TOLLIP: variants seen among roughly 807,000 people sequenced by gnomAD.
TOLLIP encodes toll interacting protein, also known as toll-interacting protein.
A neutral mutation model predicts 33.5 loss-of-function variants in TOLLIP; 16 were observed. That is an observed-to-expected ratio of 0.48 (90% CI 0.32 to 0.72). The LOEUF (loss-of-function observed/expected upper bound fraction) is 0.72, where lower values mean the gene tolerates loss of function less well. TOLLIP is among the 30% of genes least tolerant of loss of function. The pLI is 0.03. For synonymous variants in TOLLIP, 176 were observed against 163.7 expected (o/e 1.07, Z -0.57); for missense variants, 325 against 396.6 (o/e 0.82, Z 1.53).
At chr11:1,281,078 T>G (rs1863482955) in intron 5 of TOLLIP, among the ~76,000 whole-genome samples, 1 of 152,246 alleles carries the variant, frequency 6.6e-6, no homozygotes, top group Non-Finnish European at 1.5e-5. Flanking sequence ...GCCTAGATGT[T>G]TCCTTAAAAT....
intron 5 of TOLLIP, among the ~76,000 whole-genome samples, chr11:1,279,505 G>T (rs1185684001): frequency 6.6e-6 from 1 of 152,200 alleles, no homozygotes; most frequent in Non-Finnish European, 1.5e-5. Context: ...CCAAAATGTG[G>T]GCAGAGAGGA....
At position 1,288,497 on chromosome 11, in the gene TOLLIP, G is replaced by A. The variant is rs566903834; in HGVS notation, c.519+127C>T. On this transcript the variant is annotated intron_variant, in intron 4 of 5. Transcript: ENST00000317204. ...GGCCCCTGCCCTCTGTCCTCAGAAC[G>A]TGAGCCCTGCTGTTTTATGGGCTCA... 139 of 1,198,602 alleles carry A rather than the reference G, an allele frequency of 1.2e-4. 1 individual carries two copies. The South Asian group carries it at 1.7e-3, about 15-fold the overall frequency. The allele number at this position is 1,198,602 out of a possible 1,614,324, so 74.2% of individuals were successfully genotyped here.
At position 1,277,044 on chromosome 11, in the gene TOLLIP, G is replaced by A. The variant is rs1387676816; in HGVS notation, c.820C>T (p.Pro274Ser). The A allele has an allele frequency of 3.7e-6, 6 of 1,613,766 alleles. No individual in the cohort carries two copies. The highest frequency in any genetic ancestry group is 5.1e-6 in the Non-Finnish European group (6 of 1,179,776). ...INSLLQMGEE[P>S] ...ACGGCATCGAGGCAGAGGCTCTATGGCTCCTCCCCCATCTGCAGCAGGGAG... is the reference window on the plus strand; with the variant it reads ...ACGGCATCGAGGCAGAGGCTCTATGACTCCTCCCCCATCTGCAGCAGGGAG... Residue 274 changes from proline (P) to serine (S), a missense_variant, in exon 6 of 6, where the codon CCA (proline) becomes TCA (serine). Physicochemically the swap from Pro to Ser is moderately conservative, Grantham distance 74. Coordinates refer to ENST00000317204, the MANE Select transcript of TOLLIP (RefSeq NM_019009.4). This position sits in a 1 kb window ranked among gnomAD's most constrained non-coding sequence, Gnocchi z 4.2.
rs1863316052 is a variant in TOLLIP at position 1,276,736 on chromosome 11, C to G, written c.*303G>C. On this transcript the variant is annotated 3_prime_UTR_variant, in exon 6 of 6. Coordinates refer to ENST00000317204, the MANE Select transcript of TOLLIP (RefSeq NM_019009.4). ...CAACACCCTGGCAGAAGCAGCTGCT[C>G]TCTACAGCAAGAGCATTTTCCAGAA... 1 of 1,461,756 alleles carries G rather than the reference C, an allele frequency of 6.8e-7. No individual in the cohort carries two copies. The highest frequency in any genetic ancestry group is 9.1e-7 in the Non-Finnish European group (1 of 1,099,222). 90.5% of individuals were successfully genotyped at this position (1,461,756 alleles called of 1,614,324 possible).
chr11:1,277,248 G>A lies in TOLLIP; in HGVS notation c.616C>T (p.Pro206Ser). ...ACCATGCCGGGGCTACAGACAGCGG[G>A]CATCCCTGGAAGCAAAGATCAAGTT... The part of the protein sequence containing the change: ...GVGYVPITGM[P>S]AVCSPGMVPV... The change falls in exon 6 of 6, where the codon CCC (proline) becomes TCC (serine). Residue 206 changes from proline (P) to serine (S), a missense_variant. Pro to Ser is a moderately conservative substitution (Grantham distance 74). Coordinates refer to ENST00000317204, the MANE Select transcript of TOLLIP (RefSeq NM_019009.4). The surrounding 1 kb of genome is among the most constrained non-coding windows in gnomAD (Gnocchi z 4.2). 1 of 1,549,740 alleles carries A rather than the reference G, an allele frequency of 6.5e-7. No homozygotes were observed.
chr11:1,288,201 G>A (rs5743974), intron 4 of TOLLIP, among the ~76,000 whole-genome samples: 1,837 of 152,252 alleles, frequency 0.012, 13 homozygotes, highest in Non-Finnish European at 0.016. Flanking sequence ...GCCACACCAC[G>A]GCCAATGCCT....
In TOLLIP at chr11:1,285,002, G is replaced by C. The variant is rs3793967; in HGVS notation, c.610+1000C>G. On this transcript the variant is annotated intron_variant, in intron 5 of 5. Coordinates refer to ENST00000317204, the MANE Select transcript of TOLLIP (RefSeq NM_019009.4). ...GCTGGCAGGACTGGGGTGCTGACCAGGCCTCTCCACTCCAGCTGGGCTGGA... is the reference window on the plus strand; with the variant it reads ...GCTGGCAGGACTGGGGTGCTGACCACGCCTCTCCACTCCAGCTGGGCTGGA... Among the ~76,000 whole-genome samples the C allele has an allele frequency of 4.6e-5, 7 of 152,296 alleles. No homozygotes were observed. In the East Asian group the frequency reaches 1.4e-3, roughly 29 times the overall value.
In TOLLIP at chr11:1,276,741, C is replaced by T. The variant is rs2133872474; in HGVS notation, c.*298G>A. ...CCCTGGCAGAAGCAGCTGCTCTCTACAGCAAGAGCATTTTCCAGAACGGCA... is the reference window on the plus strand; with the variant it reads ...CCCTGGCAGAAGCAGCTGCTCTCTATAGCAAGAGCATTTTCCAGAACGGCA... On this transcript the variant is annotated 3_prime_UTR_variant, in exon 6 of 6. Transcript: ENST00000317204. 1.4e-6 allele frequency: 2 copies of T among 1,467,786 alleles called. No individual in the cohort carries two copies. Among genetic ancestry groups the T allele is most frequent in the Non-Finnish European group, 1.8e-6 (2 of 1,102,966 alleles). 90.9% of individuals were successfully genotyped at this position (1,467,786 alleles called of 1,614,324 possible).
In TOLLIP at chr11:1,309,607, C is replaced by A. The variant is rs963560399; in HGVS notation, c.-109G>T. ...GAGACAGTTGTCACCTCGAGGCCGC[C>A]GCCGCCACAGTCAGCTGACAGCCGC... is the stretch of plus-strand genomic sequence containing the variant. On this transcript the variant is annotated 5_prime_UTR_variant, in exon 1 of 6. Coordinates refer to ENST00000317204, the MANE Select transcript of TOLLIP (RefSeq NM_019009.4). 26 of 431,430 alleles carry A rather than the reference C, an allele frequency of 6.0e-5. No homozygotes were observed. The East Asian group carries it at 1.1e-3, about 19-fold the overall frequency. 26.7% of individuals were successfully genotyped at this position (431,430 alleles called of 1,614,324 possible).
chr11:1,287,973 G>C (rs1240717323), intron 4 of TOLLIP, among the ~76,000 whole-genome samples: 11 of 151,814 alleles, frequency 7.2e-5, no homozygotes, highest in Admixed American at 7.2e-4. Context: ...GTAACAGCCT[G>C]AAAATCCTCT....
intron 5 of TOLLIP, among the ~76,000 whole-genome samples, chr11:1,282,638 ATAAAT>A (rs1200766948): frequency 2.0e-5 from 3 of 148,368 alleles, no homozygotes; most frequent in Non-Finnish European, 3.0e-5. Context: ...AGATAAATAA[ATAAAT>A]AAAATAGGAA....
chr11:1,307,141 CTGGT>C (rs1864441153), intron 1 of TOLLIP, among the ~76,000 whole-genome samples: 1 of 152,184 alleles, frequency 6.6e-6, no homozygotes, highest in Non-Finnish European at 1.5e-5. Flanking sequence ...GTTGGTAGCG[CTGGT>C]TGATTAAGTC....
At chr11:1,285,113 G>A (rs1453221403) in intron 5 of TOLLIP, among the ~76,000 whole-genome samples, 2 of 151,882 alleles carry the variant, frequency 1.3e-5, no homozygotes, top group African/African-American at 2.4e-5. Flanking sequence ...ACAAGCAGCC[G>A]GGGCCTCATG....
chr11:1,276,990 G>A lies in TOLLIP; in HGVS notation c.*49C>T. 6.3e-7 allele frequency: 1 copy of A among 1,598,954 alleles called. No individual in the cohort carries two copies. The highest frequency in any genetic ancestry group is 8.6e-7 in the Non-Finnish European group (1 of 1,169,404). The stretch of plus-strand genomic sequence containing the variant: ...GGACAGCATTCCTTGGGGAGCGCCG[G>A]GTCGGCGTGTCCAAAGAGCGGGGGC... On this transcript the variant is annotated 3_prime_UTR_variant, in exon 6 of 6. Transcript: ENST00000317204.
intron 4 of TOLLIP, 73 bp from the exon 5 acceptor site, chr11:1,286,165 C>T: frequency 2.6e-6 from 3 of 1,153,240 alleles, no homozygotes; most frequent in Non-Finnish European, 3.8e-6. Context: ...AATCGCCCTC[C>T]CCACAATTGC....
At position 1,290,646 on chromosome 11, in the gene TOLLIP, A is replaced by G. The variant is rs1863903743; in HGVS notation, c.184-237T>C. ...ACAAAGCACGTGGCTCGTCCTTGAC[A>G]GCAGAAACCTACGACGCTCACAGAC... On this transcript the variant is annotated intron_variant, in intron 2 of 5. Transcript: ENST00000317204. This position sits in a 1 kb window ranked among gnomAD's most constrained non-coding sequence, Gnocchi z 4.9. Among the ~76,000 whole-genome samples, 1 of 152,130 alleles carries G rather than the reference A, an allele frequency of 6.6e-6. No individual in the cohort carries two copies. Among genetic ancestry groups the G allele is most frequent in the South Asian group, 2.1e-4 (1 of 4,824 alleles).
rs761563594 is a variant in TOLLIP at position 1,276,839 on chromosome 11, C to G, written c.*200G>C. 121 of 1,531,082 alleles carry G rather than the reference C, an allele frequency of 7.9e-5. No individual in the cohort carries two copies. Among genetic ancestry groups the G allele is most frequent in the Admixed American group, 2.2e-4 (11 of 50,814 alleles). 94.8% of individuals were successfully genotyped at this position (1,531,082 alleles called of 1,614,324 possible). A position where few individuals can be genotyped will look rare whatever the true frequency, so the allele number is the denominator to read the frequency against. Reference sequence around the variant, plus strand: ...CTCCCAGCACGAGATGGGAGGGGAGCCCCCGCCCCGTCCTGGACCGCCAGG... The same window carrying G: ...CTCCCAGCACGAGATGGGAGGGGAGGCCCCGCCCCGTCCTGGACCGCCAGG... On this transcript the variant is annotated 3_prime_UTR_variant, in exon 6 of 6. Coordinates refer to ENST00000317204, the MANE Select transcript of TOLLIP (RefSeq NM_019009.4).
In TOLLIP at chr11:1,279,764, T is replaced by C. The variant is rs573290934; in HGVS notation, c.611-2511A>G. On this transcript the variant is annotated intron_variant, in intron 5 of 5. Transcript: ENST00000317204. ...AAGGATACCCAGGAAAACCAAAACTTGTCCCTTTTCCATTCAGGAAAAATT... is the reference window on the plus strand; with the variant it reads ...AAGGATACCCAGGAAAACCAAAACTCGTCCCTTTTCCATTCAGGAAAAATT... Among the ~76,000 whole-genome samples the C allele has an allele frequency of 6.6e-5, 10 of 152,288 alleles. 1 individual carries two copies. The South Asian group carries it at 2.1e-3, about 32-fold the overall frequency.
At chr11:1,287,148 C>T (rs748276802) in intron 4 of TOLLIP, among the ~76,000 whole-genome samples, 4 of 152,164 alleles carry the variant, frequency 2.6e-5, no homozygotes, top group East Asian at 3.8e-4. Context: ...CTTCTGAGTT[C>T]GAAACTGTCA....
Sources: gnomAD v4.1 joint callset for allele counts (sites outside exome capture counted in the v4.1 genomes callset) on GRCh38, gnomAD v4.1.1 for gene constraint, Gnocchi (gnomAD v3.1) non-coding constraint, MANE v1.5 for transcripts, NCBI Gene and HGNC (gene_info 2026-07-23, HGNC 2026-07-21) for gene names.